The following ARHGAP24 variants were observed in gnomAD, a reference collection of about 807,000 sequenced individuals.
ARHGAP24 encodes Rho GTPase activating protein 24.
A neutral mutation model predicts 76.4 loss-of-function variants in ARHGAP24; 50 were observed. That is an observed-to-expected ratio of 0.65 (90% confidence interval 0.52 to 0.83). The LOEUF (loss-of-function observed/expected upper bound fraction) is 0.83, where lower values mean the gene tolerates loss of function less well. Among genes scored for constraint, ARHGAP24 ranks in the 40% least tolerant of loss-of-function variants. ARHGAP24 has a pLI of 0.00. For synonymous variants in ARHGAP24, 345 were observed against 323.3 expected, an observed-to-expected ratio of 1.07 and a Z score of -0.72; for missense variants, 930 against 914.2, an observed-to-expected ratio of 1.02 and a Z score of -0.22.
At chr4:85,988,640 TAA>T (rs1740147545) in intron 8 of ARHGAP24, among the ~76,000 whole-genome samples, 1 of 150,442 alleles carries the variant, frequency 6.6e-6, no homozygotes, top group Non-Finnish European at 1.5e-5. Context: ...CATAAAAAAA[TAA>T]AAGAGGAGCA....
intron 2 of ARHGAP24, among the ~76,000 whole-genome samples, chr4:85,654,811 T>G (rs372777606): frequency 6.6e-6 from 1 of 152,206 alleles, no homozygotes; most frequent in East Asian, 1.9e-4. Flanking sequence ...ATAACATTCA[T>G]ATTATATAAC....
intron 2 of ARHGAP24, among the ~76,000 whole-genome samples, chr4:85,654,656 GA>G (rs1344998629): frequency 1.3e-5 from 2 of 152,098 alleles, no homozygotes; most frequent in East Asian, 3.9e-4. Context: ...TCTACATTTT[GA>G]AATTGAAAAT....
chr4:85,980,056 A>G (rs1002293990), intron 8 of ARHGAP24, among the ~76,000 whole-genome samples: 2 of 152,118 alleles, frequency 1.3e-5, no homozygotes, highest in Admixed American at 1.3e-4. Context: ...TCTTAGGCTC[A>G]TATGTTTTAT....
Position 85,528,170 on chromosome 4 carries a change from C to T in ARHGAP24, c.-20-42352C>T, listed in dbSNP as rs893893296. 2.0e-5 allele frequency among the ~76,000 whole-genome samples: 3 copies of T among 151,930 alleles called. No individual in the cohort carries two copies. The South Asian group carries it at 6.2e-4, about 32-fold the overall frequency. On this transcript the variant is annotated intron_variant, in intron 1 of 9. Transcript: ENST00000395184. Reference sequence around the variant, plus strand: ...AGAATCACTGAAAGAAAGGACCAGTCCATACAAAGAAGAATGGAAAAAGAC... The same window carrying T: ...AGAATCACTGAAAGAAAGGACCAGTTCATACAAAGAAGAATGGAAAAAGAC...
At chr4:85,845,242 C>T (rs1435618745) in intron 3 of ARHGAP24, among the ~76,000 whole-genome samples, 1 of 152,080 alleles carries the variant, frequency 6.6e-6, no homozygotes, top group African/African-American at 2.4e-5. Context: ...TTTACCCAAC[C>T]TGTGTAAAAA....
intron 8 of ARHGAP24, chr4:85,990,289 A>G (rs1237472808): frequency 6.6e-6 from 1 of 151,730 alleles, no homozygotes; most frequent in Non-Finnish European, 1.5e-5. Flanking sequence ...AATAAGAACT[A>G]CATAAATGTG....
At chr4:85,607,420 AAG>A (rs1185148469) in intron 2 of ARHGAP24, among the ~76,000 whole-genome samples, 1 of 151,784 alleles carries the variant, frequency 6.6e-6, no homozygotes, top group Non-Finnish European at 1.5e-5. Context: ...AAGAGAGAAA[AAG>A]AGAGAAAGAG....
At chr4:85,498,647 C>T in intron 1 of ARHGAP24, among the ~76,000 whole-genome samples, 1 of 152,230 alleles carries the variant, frequency 6.6e-6, no homozygotes, top group East Asian at 1.9e-4. Context: ...AGACTAAAGA[C>T]AGTCTTTCTC....
intron 2 of ARHGAP24, among the ~76,000 whole-genome samples, chr4:85,684,375 T>C (rs540040764): frequency 6.6e-6 from 1 of 152,316 alleles, no homozygotes; most frequent in African/African-American, 2.4e-5. Flanking sequence ...ATGAAATATA[T>C]TACATTTTAA....
chr4:85,820,596 T>C (rs1258196656), intron 3 of ARHGAP24, among the ~76,000 whole-genome samples: 4 of 152,324 alleles, frequency 2.6e-5, no homozygotes, highest in East Asian at 1.9e-4. Context: ...GCAATTTATC[T>C]ATATAACAAA....
intron 5 of ARHGAP24, among the ~76,000 whole-genome samples, chr4:85,965,129 AAG>A (rs1738502177): frequency 6.6e-6 from 1 of 152,120 alleles, no homozygotes; most frequent in African/African-American, 2.4e-5. Context: ...TCACAAAAGA[AAG>A]AGGTTTCATG....
chr4:85,580,596 C>T (rs1043118687), intron 2 of ARHGAP24, among the ~76,000 whole-genome samples: 4 of 152,240 alleles, frequency 2.6e-5, no homozygotes, highest in South Asian at 2.1e-4. Flanking sequence ...CTTTGCTCTA[C>T]GAACTTTTTC....
At chr4:85,969,376 T>C (rs887798054) in intron 5 of ARHGAP24, among the ~76,000 whole-genome samples, 2 of 152,188 alleles carry the variant, frequency 1.3e-5, no homozygotes, top group African/African-American at 4.8e-5. Context: ...GTCTCATTTA[T>C]TTATTGTATT....
rs955955193 is a variant in ARHGAP24 at position 85,870,286 on chromosome 4, G to A, written c.269-53362G>A. On this transcript the variant is annotated intron_variant, in intron 3 of 9. Transcript: ENST00000395184. ...GTCTAGAAATATGAAAACACCTCCT[G>A]TCCTATTGTTAATTCTTTTCACATG... is the stretch of plus-strand genomic sequence containing the variant. Among the ~76,000 whole-genome samples, 4 of 151,952 alleles carry A rather than the reference G, an allele frequency of 2.6e-5. 1 individual carries two copies. The highest frequency in any genetic ancestry group is 2.6e-4 in the Admixed American group (4 of 15,238).
At chr4:85,614,848 C>G (rs949267972) in intron 2 of ARHGAP24, among the ~76,000 whole-genome samples, 1 of 152,006 alleles carries the variant, frequency 6.6e-6, no homozygotes, top group African/African-American at 2.4e-5. Flanking sequence ...TAAAATTGCT[C>G]ATAGATCCTG....
chr4:85,942,344 G>A, intron 5 of ARHGAP24, 71 bp downstream of exon 5: 2 of 1,523,540 alleles, frequency 1.3e-6, no homozygotes, highest in Non-Finnish European at 1.8e-6. Context: ...GCAGTGAGCT[G>A]AGGAGGCATA....
intron 1 of ARHGAP24, among the ~76,000 whole-genome samples, chr4:85,539,069 G>GA (rs1725580142): frequency 6.6e-6 from 1 of 152,070 alleles, no homozygotes; most frequent in African/African-American, 2.4e-5. Flanking sequence ...AATATGAGAG[G>GA]TTTTTTTACA....
At chr4:85,742,277 T>C (rs910052441) in intron 3 of ARHGAP24, among the ~76,000 whole-genome samples, 2 of 152,200 alleles carry the variant, frequency 1.3e-5, no homozygotes, top group African/African-American at 4.8e-5. Context: ...ATACTGATGA[T>C]GTCTCTCTCT....
At chr4:85,841,582 G>C (rs1027624889) in intron 3 of ARHGAP24, among the ~76,000 whole-genome samples, 3 of 152,128 alleles carry the variant, frequency 2.0e-5, no homozygotes, top group African/African-American at 7.2e-5. Context: ...TTGCACATTT[G>C]TTTATTTATT....
Sources: allele counts gnomAD v4.1 joint callset (sites outside exome capture counted in the v4.1 genomes callset), GRCh38; gene constraint gnomAD v4.1.1; transcripts MANE v1.5; gene names NCBI Gene and HGNC (gene_info 2026-07-23, HGNC 2026-07-21).